Variants in RIN3 observed in about 807,000 individuals in gnomAD.
RIN3 encodes Ras and Rab interactor 3.
RIN3 carries 54 observed loss-of-function variants against 76.3 expected under a neutral mutation model. The ratio of observed to expected loss-of-function variants is 0.71; its 90% confidence interval spans 0.57 to 0.89. The LOEUF (loss-of-function observed/expected upper bound fraction) is 0.89. Ranked by LOEUF, RIN3 falls within the 40% of genes least tolerant of loss-of-function variation. The pLI, the probability that RIN3 is intolerant of heterozygous loss-of-function variation, is 0.00. For missense variants in RIN3, 1,256 were observed against 1,322.1 expected, an observed-to-expected ratio of 0.95 and a Z score of 0.78; for synonymous variants, 576 against 564.0, an observed-to-expected ratio of 1.02 and a Z score of -0.30.
intron 2 of RIN3, among the ~76,000 whole-genome samples, chr14:92,560,305 C>G (rs1212936104): frequency 6.6e-6 from 1 of 152,136 alleles, no homozygotes; most frequent in African/African-American, 2.4e-5. Flanking sequence ...TCACCACCCC[C>G]TTCTGAGGGC....
chr14:92,576,167 G>A, intron 2 of RIN3: 1 of 1,198,514 alleles, frequency 8.3e-7, no homozygotes, highest in South Asian at 1.4e-5. Context: ...GGAGGCTGGG[G>A]AGATTCCAGA....
intron 2 of RIN3, chr14:92,576,365 C>T (rs1484846590): frequency 7.0e-6 from 9 of 1,289,728 alleles, no homozygotes; most frequent in Non-Finnish European, 8.1e-6. Context: ...AACATGCTGG[C>T]TCTGGGTGAG....
At chr14:92,632,375 C>T (rs1273531201) in intron 4 of RIN3, among the ~76,000 whole-genome samples, 1 of 152,126 alleles carries the variant, frequency 6.6e-6, no homozygotes, top group Non-Finnish European at 1.5e-5. Flanking sequence ...TCCCTCTAAC[C>T]GCTACAGCAA....
At position 92,544,253 on chromosome 14, in the gene RIN3, G is replaced by A. The variant is rs1480609797; in HGVS notation, c.45-11498G>A. Among the ~76,000 whole-genome samples the A allele has an allele frequency of 2.6e-5, 4 of 152,218 alleles. No homozygotes were observed. In the East Asian group the frequency reaches 7.7e-4, roughly 29 times the overall value. On this transcript the variant is annotated intron_variant, in intron 1 of 9. Coordinates refer to ENST00000216487, the MANE Select transcript of RIN3 (RefSeq NM_024832.5). Reference sequence around the variant, plus strand: ...ACCACACTATGGAATGAGGAGTGGGGAGTTCTCCCAGCCCCAAATGCCTGC... The same window carrying A: ...ACCACACTATGGAATGAGGAGTGGGAAGTTCTCCCAGCCCCAAATGCCTGC...
chr14:92,528,757 G>A (rs969798823), intron 1 of RIN3, among the ~76,000 whole-genome samples: 5 of 152,136 alleles, frequency 3.3e-5, no homozygotes, highest in South Asian at 2.1e-4. Context: ...CAGCAGCCCC[G>A]CACAGTAGGC....
chr14:92,672,123 G>A (rs1048768519), intron 7 of RIN3, among the ~76,000 whole-genome samples: 1 of 152,168 alleles, frequency 6.6e-6, no homozygotes, highest in Non-Finnish European at 1.5e-5. Flanking sequence ...AGAGACTGGG[G>A]CCGGGCGTGC....
At chr14:92,549,826 C>T (rs1468188365) in intron 1 of RIN3, among the ~76,000 whole-genome samples, 1 of 152,252 alleles carries the variant, frequency 6.6e-6, no homozygotes, top group East Asian at 1.9e-4. Flanking sequence ...CTCTATTCCC[C>T]ATGAGTGGGA....
chr14:92,592,386 G>C (rs1885008677), intron 3 of RIN3, among the ~76,000 whole-genome samples: 1 of 143,942 alleles, frequency 6.9e-6, no homozygotes, highest in Admixed American at 7.0e-5. Flanking sequence ...GGGCGACAGA[G>C]TGAGACTCTG....
rs1212333610 is a variant in RIN3, at chr14:92,641,246, T to G, written c.449T>G (p.Leu150Arg). The G allele has an allele frequency of 6.2e-7, 1 of 1,613,670 alleles. No homozygotes were observed. The highest frequency in any genetic ancestry group is 8.5e-7 in the Non-Finnish European group (1 of 1,179,534). ...CCCTCGTGTCTTCACAGAGACTTACTGCCCTTCACACTGCGGCTACCCCAG... is the reference window on the plus strand; with the variant it reads ...CCCTCGTGTCTTCACAGAGACTTACGGCCCTTCACACTGCGGCTACCCCAG... Reference protein sequence around the residue: ...IAFYCVSRDLLPFTLRLPQAI... With the variant: ...IAFYCVSRDLRPFTLRLPQAI... The change falls in exon 5 of 10, where the codon CTG becomes CGG. Residue 150 changes from leucine to arginine, a missense_variant. This residue lies in a region of RIN3 where 610 missense variants were observed against 626.4 expected (regional missense o/e 0.97). Coordinates refer to ENST00000216487, the MANE Select transcript of RIN3 (RefSeq NM_024832.5).
At chr14:92,655,750 A>G (rs1042891967) in intron 6 of RIN3, among the ~76,000 whole-genome samples, 1 of 152,214 alleles carries the variant, frequency 6.6e-6, no homozygotes, top group African/African-American at 2.4e-5. Context: ...GAGCCACAGG[A>G]CTGGCTGGAG....
At chr14:92,537,426 A>G (rs758666220) in intron 1 of RIN3, among the ~76,000 whole-genome samples, 4 of 152,252 alleles carry the variant, frequency 2.6e-5, no homozygotes, top group Non-Finnish European at 4.4e-5. Context: ...TTTCTCCATT[A>G]CAGACAATGC....
chr14:92,547,112 C>A (rs1403744252), intron 1 of RIN3, among the ~76,000 whole-genome samples: 2 of 62,908 alleles, frequency 3.2e-5, no homozygotes, highest in African/African-American at 5.8e-5. Context: ...AATAAATTAT[C>A]TTTATTTTAT....
intron 7 of RIN3, among the ~76,000 whole-genome samples, chr14:92,668,075 C>G (rs911926635): frequency 5.9e-5 from 9 of 152,242 alleles, no homozygotes; most frequent in Admixed American, 3.9e-4. Flanking sequence ...CACCTTCCAT[C>G]TGTCTTGTCA....
At chr14:92,553,766 C>G (rs546692686) in intron 1 of RIN3, among the ~76,000 whole-genome samples, 1 of 152,078 alleles carries the variant, frequency 6.6e-6, no homozygotes, top group Non-Finnish European at 1.5e-5. Flanking sequence ...TTGACACACC[C>G]CTCCTCATGA....
In RIN3 at chr14:92,513,926, C is replaced by T. The variant is rs1896362245; in HGVS notation, c.-7C>T. The T allele has an allele frequency of 1.6e-6, 2 of 1,250,156 alleles. No individual in the cohort carries two copies. Among genetic ancestry groups the T allele is most frequent in the Non-Finnish European group, 1.0e-6 (1 of 997,522 alleles). 77.4% of individuals were successfully genotyped at this position (1,250,156 alleles called of 1,614,324 possible). A position where few individuals can be genotyped will look rare whatever the true frequency, so the allele number is the denominator to read the frequency against. On this transcript the variant is annotated 5_prime_UTR_variant, in exon 1 of 10. Transcript: ENST00000216487. ...CCTCCGTTCCCCGTCCCGGAGCTGC[C>T]GGCGGCATGATCCGACACGCCGGGG...
intron 3 of RIN3, among the ~76,000 whole-genome samples, chr14:92,594,560 TCTAAC>T (rs1408459487): frequency 6.6e-6 from 1 of 152,104 alleles, no homozygotes; most frequent in Non-Finnish European, 1.5e-5. Context: ...ACAACACACT[TCTAAC>T]CAACATACAA....
In RIN3 at chr14:92,652,376, C is replaced by A; in HGVS notation, c.1327C>A (p.Pro443Thr). ...GGACACAGAGGTGAAAGCCAGCGATCCTCACAGCATGCCAGAGCTGCCCAG... is the reference window on the plus strand; with the variant it reads ...GGACACAGAGGTGAAAGCCAGCGATACTCACAGCATGCCAGAGCTGCCCAG... ...GQDTEVKASD[P>T]HSMPELPRTA... Residue 443 changes from proline to threonine, a missense_variant, in exon 6 of 10, where the codon CCT (proline) becomes ACT (threonine). By Grantham distance (38) the Pro-to-Thr change is conservative. Coordinates refer to ENST00000216487, the MANE Select transcript of RIN3 (RefSeq NM_024832.5). The surrounding 1 kb of genome is among the most constrained non-coding windows in gnomAD (Gnocchi z 6.4). The A allele has an allele frequency of 6.2e-7, 1 of 1,609,756 alleles. No individual in the cohort carries two copies. The highest frequency in any genetic ancestry group is 8.5e-7 in the Non-Finnish European group (1 of 1,177,716).
intron 3 of RIN3, 39 bp from the exon 4 acceptor site, chr14:92,615,368 A>G (rs1473992985): frequency 6.3e-7 from 1 of 1,579,294 alleles, no homozygotes; most frequent in East Asian, 2.2e-5. Context: ...CCTTGGCAGG[A>G]TACTCACCTC....
At chr14:92,584,162 G>T (rs912098320) in intron 3 of RIN3, among the ~76,000 whole-genome samples, 1 of 152,132 alleles carries the variant, frequency 6.6e-6, no homozygotes. Flanking sequence ...GAGGGGGTGG[G>T]GGGGTCTTGA....
Sources: allele counts gnomAD v4.1 joint callset (sites outside exome capture counted in the v4.1 genomes callset), GRCh38; gene constraint gnomAD v4.1.1; regional missense constraint gnomAD v4.1.1; non-coding constraint Gnocchi (gnomAD v3.1); transcripts MANE v1.5; gene names NCBI Gene and HGNC (gene_info 2026-07-23, HGNC 2026-07-21).